The following RGPD3 variants were observed in gnomAD, a reference collection of about 807,000 sequenced individuals.
RGPD3 encodes ranBP2-like and GRIP domain-containing protein 3.
In RGPD3, 62 loss-of-function variants were observed where a neutral mutation model predicts 154.5. That is an observed-to-expected ratio of 0.40 (90% CI 0.33 to 0.50). The LOEUF (loss-of-function observed/expected upper bound fraction) is 0.50. RGPD3 is among the 20% of genes least tolerant of loss of function. The pLI is 0.59. For synonymous variants in RGPD3, 308 were observed against 607.0 expected (o/e 0.51, Z 7.24); for missense variants, 919 against 1,716.8 (o/e 0.54, Z 8.21).
chr2:106,415,813 T>A, intron 21 of RGPD3, 37 bp downstream of exon 21: 1 of 1,611,398 alleles, frequency 6.2e-7, no homozygotes, highest in Non-Finnish European at 8.5e-7. Flanking sequence ...AAAACCAAAC[T>A]GGCAGTTTTT....
intron 7 of RGPD3, among the ~76,000 whole-genome samples, chr2:106,446,262 A>AT (rs1677922686): frequency 8.5e-6 from 1 of 118,034 alleles, no homozygotes; most frequent in Non-Finnish European, 1.8e-5. Context: ...ATGCAGGCTC[A>AT]TTAAAAAAAA....
At chr2:106,459,395 A>T (rs1251758148) in intron 1 of RGPD3, 63 bp from the exon 2 acceptor site, 1 of 783,168 alleles carries the variant, frequency 1.3e-6, no homozygotes, top group African/African-American at 1.8e-5. Context: ...TTTTTTCAAA[A>T]GTAGTAAAAA....
intron 9 of RGPD3, among the ~76,000 whole-genome samples, chr2:106,438,699 T>C (rs536859087): frequency 6.6e-6 from 1 of 151,960 alleles, no homozygotes; most frequent in South Asian, 2.1e-4. Flanking sequence ...GTAGAATTAC[T>C]TGAACCCGGG....
Position 106,404,388 on chromosome 2 carries a change from T to C in RGPD3, c.*831A>G, listed in dbSNP as rs1246598992. Among the ~76,000 whole-genome samples, 1 of 149,018 alleles carries C rather than the reference T, an allele frequency of 6.7e-6. No individual in the cohort carries two copies. Among genetic ancestry groups the C allele is most frequent in the African/African-American group, 2.5e-5 (1 of 39,762 alleles). On this transcript the variant is annotated 3_prime_UTR_variant, in exon 23 of 23. Coordinates refer to ENST00000409886, the MANE Select transcript of RGPD3 (RefSeq NM_001144013.2). ...CAGCTCTAGGGCTCTGACAACATAATGAGTTTTGAGATAGTATACTTTAAA... is the reference window on the plus strand; with the variant it reads ...CAGCTCTAGGGCTCTGACAACATAACGAGTTTTGAGATAGTATACTTTAAA...
intron 22 of RGPD3, among the ~76,000 whole-genome samples, chr2:106,409,979 A>G (rs1429123688): frequency 6.7e-6 from 1 of 149,250 alleles, no homozygotes; most frequent in Non-Finnish European, 1.5e-5. Flanking sequence ...GGGTTCAAGC[A>G]GTTCTCCTAC....
chr2:106,406,238 GA>G (rs201921148), intron 22 of RGPD3, among the ~76,000 whole-genome samples: 1,540 of 149,764 alleles, frequency 0.01, 57 homozygotes, highest in African/African-American at 0.035. Context: ...GTATAGCACT[GA>G]GTCTTGACAA....
Position 106,425,087 on chromosome 2 carries a change from A to G in RGPD3, c.2880T>C (p.Gly960=). ...TGCTACTTGTTTGGCCAAAAATCAC[A>G]CCACGGCCCTTCTTCCGGCCACTAA... ...QDISGRKKGR[G]VIFGQTSSTF... is the part of the protein sequence containing the mutation. The change falls in exon 20 of 23, where the codon GGT becomes GGC. Residue 960 remains glycine, a synonymous_variant. Coordinates refer to ENST00000409886, the MANE Select transcript of RGPD3 (RefSeq NM_001144013.2). 2 of 1,611,964 alleles carry G rather than the reference A, an allele frequency of 1.2e-6. No homozygotes were observed. Among genetic ancestry groups the G allele is most frequent in the Middle Eastern group, 4.5e-4 (2 of 4,430 alleles).
intron 1 of RGPD3, among the ~76,000 whole-genome samples, chr2:106,464,944 C>T (rs917265205): frequency 2.7e-5 from 4 of 145,786 alleles, no homozygotes; most frequent in African/African-American, 5.1e-5. Context: ...GCTGGTCTCT[C>T]GGCCTCCCAG....
chr2:106,413,171 T>A lies in RGPD3; in HGVS notation c.5179A>T (p.Ser1727Cys). Reference protein sequence around the residue: ...LLQFIFLKPGSERERLLPVIN... With the variant: ...LLQFIFLKPGCERERLLPVIN... ...ACAGGAAGAAGTCTCTCTCTTTCAC[T>A]ACCTGGCTTCAAGAAAATGAACTGC... is the stretch of plus-strand genomic sequence containing the variant. The change falls in exon 22 of 23, where the codon AGT becomes TGT. Residue 1727 changes from serine to cysteine, a missense_variant. Physicochemically the swap from Ser to Cys is moderately radical, Grantham distance 112 (BLOSUM62 -1). Coordinates refer to ENST00000409886, the MANE Select transcript of RGPD3 (RefSeq NM_001144013.2). The A allele has an allele frequency of 6.2e-7, 1 of 1,611,956 alleles. No individual in the cohort carries two copies. Among genetic ancestry groups the A allele is most frequent in the Non-Finnish European group, 8.5e-7 (1 of 1,179,856 alleles).
intron 1 of RGPD3, among the ~76,000 whole-genome samples, chr2:106,462,157 A>G (rs1678424209): frequency 6.6e-6 from 1 of 152,192 alleles, no homozygotes; most frequent in Non-Finnish European, 1.5e-5. Flanking sequence ...CTGGGATTAC[A>G]GGCGTCAGCC....
chr2:106,414,431 G>C (rs1328721027), intron 21 of RGPD3, among the ~76,000 whole-genome samples: 4 of 151,948 alleles, frequency 2.6e-5, no homozygotes. Flanking sequence ...AGACCATCCT[G>C]GCCAACATGG....
chr2:106,412,448 T>A (rs1465082004), intron 22 of RGPD3, among the ~76,000 whole-genome samples: 1 of 151,664 alleles, frequency 6.6e-6, no homozygotes, highest in Non-Finnish European at 1.5e-5. Flanking sequence ...TAGCTGGGAC[T>A]ACAGGCGCAT....
intron 20 of RGPD3, among the ~76,000 whole-genome samples, chr2:106,417,992 A>G (rs67350451): frequency 0.12 from 14,606 of 125,498 alleles, 758 homozygotes; most frequent in East Asian, 0.29. Flanking sequence ...AGCCAGGCAC[A>G]GTGGCAGGTG....
At chr2:106,462,028 C>T (rs563994388) in intron 1 of RGPD3, among the ~76,000 whole-genome samples, 275 of 151,940 alleles carry the variant, frequency 1.8e-3, no homozygotes, top group African/African-American at 6.3e-3. Flanking sequence ...GGACTACAGG[C>T]GCACACCACC....
At chr2:106,422,360 TG>T (rs201160669) in intron 20 of RGPD3, among the ~76,000 whole-genome samples, 10,256 of 136,306 alleles carry the variant, frequency 0.075, 341 homozygotes, top group Admixed American at 0.12. Flanking sequence ...CTCAATATCA[TG>T]TTTTTTTTTG....
intron 1 of RGPD3, among the ~76,000 whole-genome samples, chr2:106,466,331 A>G (rs1183387138): frequency 6.5e-4 from 88 of 135,574 alleles, no homozygotes; most frequent in East Asian, 9.0e-4. Flanking sequence ...AGCGCCCGTC[A>G]GGAGCCATGA....
At chr2:106,443,685 C>CA (rs1677829421) in intron 7 of RGPD3, among the ~76,000 whole-genome samples, 2 of 83,360 alleles carry the variant, frequency 2.4e-5, no homozygotes, top group East Asian at 4.8e-4. Context: ...TCACTATTTC[C>CA]TTTTTTTTTT....
chr2:106,407,095 G>T (rs1318043486), intron 22 of RGPD3, among the ~76,000 whole-genome samples: 1 of 147,896 alleles, frequency 6.8e-6, no homozygotes, highest in Non-Finnish European at 1.5e-5. Context: ...TCATCTGAAG[G>T]CTGGACTGGA....
At position 106,434,193 on chromosome 2, in the gene RGPD3, C is replaced by G. The variant is rs779297237; in HGVS notation, c.2205+35G>C. 1.9e-6 allele frequency: 3 copies of G among 1,586,038 alleles called. No individual in the cohort carries two copies. In the African/African-American group the frequency reaches 4.1e-5, roughly 22 times the overall value. On this transcript the variant is annotated intron_variant, in intron 15 of 22. Transcript: ENST00000409886. Reference sequence around the variant, plus strand: ...GCAAAAACACTGACCAGTGGGTTATCAGTAAGAACGTACATACAACAACCT... The same window carrying G: ...GCAAAAACACTGACCAGTGGGTTATGAGTAAGAACGTACATACAACAACCT...
Sources: gnomAD v4.1 joint callset for allele counts (sites outside exome capture counted in the v4.1 genomes callset) on GRCh38, gnomAD v4.1.1 for gene constraint, MANE v1.5 for transcripts, NCBI Gene and HGNC (gene_info 2026-07-23, HGNC 2026-07-21) for gene names.